The following UBE2E2 variants were observed in gnomAD, a reference collection of about 807,000 sequenced individuals.
UBE2E2 encodes the protein ubiquitin conjugating enzyme E2 E2.
Under a neutral mutation model 24.7 loss-of-function variants are expected in UBE2E2, and 6 were observed. The ratio of observed to expected loss-of-function variants is 0.24; its 90% CI spans 0.13 to 0.48. The LOEUF is 0.48. Ranked by LOEUF, UBE2E2 falls within the 20% of genes least tolerant of loss-of-function variation. The pLI is 0.99. For synonymous variants in UBE2E2, 104 were observed against 83.6 expected (o/e 1.24, Z -1.33); for missense variants, 169 against 245.0 (o/e 0.69, Z 2.07).
chr3:23,320,749 G>GCTTT (rs1694717637), intron 3 of UBE2E2, among the ~76,000 whole-genome samples: 1 of 152,162 alleles, frequency 6.6e-6, no homozygotes, highest in African/African-American at 2.4e-5. Context: ...GATTATTGTG[G>GCTTT]CTTTAGCTGG....
intron 3 of UBE2E2, among the ~76,000 whole-genome samples, chr3:23,338,971 G>T (rs1258969995): frequency 6.6e-6 from 1 of 152,070 alleles, no homozygotes; most frequent in African/African-American, 2.4e-5. Context: ...GTCACAAAAA[G>T]ATCTCACTAA....
At chr3:23,516,927 T>A (rs1694755256) in intron 4 of UBE2E2, among the ~76,000 whole-genome samples, 1 of 152,166 alleles carries the variant, frequency 6.6e-6, no homozygotes, top group Non-Finnish European at 1.5e-5. Context: ...CACTTTACTA[T>A]GATGATATGT....
intron 5 of UBE2E2, among the ~76,000 whole-genome samples, chr3:23,550,314 C>G (rs952232345): frequency 6.6e-6 from 1 of 152,092 alleles, no homozygotes; most frequent in Non-Finnish European, 1.5e-5. Flanking sequence ...AAACTGTATT[C>G]CCCTATGCAA....
chr3:23,416,336 C>A (rs961499150), intron 3 of UBE2E2, among the ~76,000 whole-genome samples: 1 of 152,154 alleles, frequency 6.6e-6, no homozygotes, highest in Non-Finnish European at 1.5e-5. Flanking sequence ...ATGTGAAATT[C>A]TGGGTTGAAA....
At chr3:23,256,322 A>C (rs578236374) in intron 3 of UBE2E2, among the ~76,000 whole-genome samples, 1 of 152,322 alleles carries the variant, frequency 6.6e-6, no homozygotes, top group South Asian at 2.1e-4. Context: ...TTGTACATCT[A>C]AGTAAAATAT....
intron 3 of UBE2E2, among the ~76,000 whole-genome samples, chr3:23,348,603 C>T (rs1204193375): frequency 1.3e-5 from 2 of 152,040 alleles, no homozygotes; most frequent in East Asian, 3.9e-4. Context: ...ATTCTAGACA[C>T]CAAGGACTGG....
At chr3:23,317,109 G>A (rs916128811) in intron 3 of UBE2E2, among the ~76,000 whole-genome samples, 1 of 152,162 alleles carries the variant, frequency 6.6e-6, no homozygotes, top group Non-Finnish European at 1.5e-5. Flanking sequence ...AGCCTCCTTG[G>A]CTGGTGTGTC....
chr3:23,394,020 T>G (rs1697015449), intron 3 of UBE2E2, among the ~76,000 whole-genome samples: 1 of 152,182 alleles, frequency 6.6e-6, no homozygotes, highest in Non-Finnish European at 1.5e-5. Flanking sequence ...TTACTGTATT[T>G]GTTGACTGAT....
chr3:23,563,917 A>T (rs1318180539), intron 5 of UBE2E2, among the ~76,000 whole-genome samples: 3 of 151,968 alleles, frequency 2.0e-5, no homozygotes, highest in African/African-American at 7.3e-5. Flanking sequence ...GTTACCTCTG[A>T]CAAGATGGAG....
intron 3 of UBE2E2, among the ~76,000 whole-genome samples, chr3:23,423,890 CTG>C (rs751818982): frequency 1.3e-5 from 2 of 152,132 alleles, no homozygotes; most frequent in Non-Finnish European, 2.9e-5. Flanking sequence ...GTACTGAAAA[CTG>C]TATCTCTGCC....
chr3:23,332,924 G>T (rs1254837092), intron 3 of UBE2E2, among the ~76,000 whole-genome samples: 1 of 152,146 alleles, frequency 6.6e-6, no homozygotes, highest in East Asian at 1.9e-4. Context: ...AGGTGTGCAT[G>T]GCTGTTAGCC....
Position 23,552,628 on chromosome 3 carries a change from T to C in UBE2E2, c.508+19927T>C, listed in dbSNP as rs551719270. Among the ~76,000 whole-genome samples the C allele has an allele frequency of 3.0e-4, 46 of 152,300 alleles. 1 individual carries two copies. Among genetic ancestry groups the C allele is most frequent in the Middle Eastern group, 3.4e-3 (1 of 294 alleles). ...TACGTTTGTTTCTGCATTCCCACTC[T>C]ACAGTTGATTGTCTTTGTACAATCA... is the stretch of plus-strand genomic sequence containing the variant. On this transcript the variant is annotated intron_variant, in intron 5 of 5. Coordinates refer to ENST00000396703, the MANE Select transcript of UBE2E2 (RefSeq NM_152653.4).
At chr3:23,226,653 C>T (rs188717888) in intron 3 of UBE2E2, among the ~76,000 whole-genome samples, 29 of 152,226 alleles carry the variant, frequency 1.9e-4, no homozygotes, top group Middle Eastern at 3.4e-3. Flanking sequence ...AGAGCAGAAA[C>T]ATAAAAGGGG....
At chr3:23,456,846 C>G (rs1223194299) in intron 3 of UBE2E2, among the ~76,000 whole-genome samples, 2 of 152,176 alleles carry the variant, frequency 1.3e-5, no homozygotes, top group African/African-American at 2.4e-5. Context: ...TCAGCCTGTC[C>G]TTTGAAGCTT....
intron 5 of UBE2E2, among the ~76,000 whole-genome samples, chr3:23,582,894 T>TGTGTGTGTATGTTG (rs1553622746): frequency 8.9e-6 from 1 of 112,884 alleles, no homozygotes; most frequent in Non-Finnish European, 1.9e-5. Context: ...TGTGTGTGTG[T>TGTGTGTGTATGTTG]TGTGTGTTTG....
chr3:23,479,521 C>A (rs971357609), intron 3 of UBE2E2, among the ~76,000 whole-genome samples: 1 of 152,076 alleles, frequency 6.6e-6, no homozygotes, highest in African/African-American at 2.4e-5. Context: ...TCTTCACCCA[C>A]AAGATGGTGA....
At chr3:23,493,613 T>A (rs1699544074) in intron 3 of UBE2E2, among the ~76,000 whole-genome samples, 2 of 152,236 alleles carry the variant, frequency 1.3e-5, no homozygotes, top group Admixed American at 1.3e-4. Context: ...AAAACATTAC[T>A]TAATAACCTA....
chr3:23,266,777 A>G (rs1355102150), intron 3 of UBE2E2, among the ~76,000 whole-genome samples: 1 of 152,156 alleles, frequency 6.6e-6, no homozygotes, highest in Admixed American at 6.5e-5. Context: ...CACCACACCT[A>G]CTCCAAAACT....
chr3:23,473,548 T>G (rs1468628170), intron 3 of UBE2E2, among the ~76,000 whole-genome samples: 1 of 151,912 alleles, frequency 6.6e-6, no homozygotes, highest in African/African-American at 2.4e-5. Flanking sequence ...CAGTATACAC[T>G]GAAGCCAATT....
Sources: gnomAD v4.1 joint callset for allele counts (sites outside exome capture counted in the v4.1 genomes callset) on GRCh38, gnomAD v4.1.1 for gene constraint, MANE v1.5 for transcripts, NCBI Gene and HGNC (gene_info 2026-07-23, HGNC 2026-07-21) for gene names.